Variants in NPL observed in about 807,000 individuals in gnomAD.
The protein encoded by NPL is N-acetylneuraminate lyase.
Under a neutral mutation model 41.1 loss-of-function variants are expected in NPL, and 32 were observed. That is an observed-to-expected ratio of 0.78 (90% confidence interval 0.59 to 1.05). The LOEUF is 1.05. NPL is among the 50% of genes least tolerant of loss of function. The probability of loss-of-function intolerance (pLI) is 0.00; values close to 1 mark genes in which losing one functional copy is unlikely to be tolerated. For missense variants in NPL, 321 were observed against 378.4 expected (o/e 0.85, Z 1.26); for synonymous variants, 128 against 134.9 (o/e 0.95, Z 0.35).
intron 3 of NPL, among the ~76,000 whole-genome samples, chr1:182,798,352 C>T (rs374901416): frequency 1.3e-5 from 2 of 151,832 alleles, no homozygotes; most frequent in East Asian, 1.9e-4. Flanking sequence ...CTCAGCCTCC[C>T]GGGTAGCTGG....
intron 7 of NPL, among the ~76,000 whole-genome samples, chr1:182,815,397 C>CA (rs2102555822): frequency 6.6e-6 from 1 of 151,602 alleles, no homozygotes; most frequent in East Asian, 1.9e-4. Context: ...TTTTGATTAG[C>CA]AAAAAAAGAA....
intron 10 of NPL, among the ~76,000 whole-genome samples, chr1:182,819,881 A>G (rs2102562237): frequency 6.6e-6 from 1 of 152,380 alleles, no homozygotes; most frequent in South Asian, 2.1e-4. Context: ...ATGTTATTAT[A>G]AAATACTGGG....
In NPL at chr1:182,828,709, G is replaced by T; in HGVS notation, c.779-15G>T. The T allele has an allele frequency of 6.2e-7, 1 of 1,614,098 alleles. No homozygotes were observed. Among genetic ancestry groups the T allele is most frequent in the Non-Finnish European group, 8.5e-7 (1 of 1,179,994 alleles). On this transcript the variant is annotated splice_polypyrimidine_tract_variant and intron_variant, in intron 12 of 12. Transcript: ENST00000367553. This position sits in a 1 kb window ranked among gnomAD's most constrained non-coding sequence, Gnocchi z 4.0. Reference sequence around the variant, plus strand: ...CGGTACCAGTCATGTTTCCTCATTTGTTTTTCCCGTCTAGGTTTTGGAGTG... The same window carrying T: ...CGGTACCAGTCATGTTTCCTCATTTTTTTTTCCCGTCTAGGTTTTGGAGTG...
chr1:182,818,553 A>C lies in NPL; in HGVS notation c.470A>C (p.Glu157Ala). ...TTATTTTGAGCAGTTCGTGCTGAGG[A>C]GTTGTTGGATGGGATTCTGGATAAG... ...ALTGVKIRAE[E>A]LLDGILDKIP... The change falls in exon 9 of 13, where the codon GAG becomes GCG. Residue 157 changes from glutamate to alanine, a missense_variant. Glu to Ala is a moderately radical substitution (Grantham distance 107). Coordinates refer to ENST00000367553, the MANE Select transcript of NPL (RefSeq NM_030769.3). The C allele has an allele frequency of 6.2e-7, 1 of 1,614,186 alleles. No individual in the cohort carries two copies. The highest frequency in any genetic ancestry group is 2.2e-5 in the East Asian group (1 of 44,884).
chr1:182,800,823 G>A (rs888472280), intron 3 of NPL, among the ~76,000 whole-genome samples: 16 of 143,628 alleles, frequency 1.1e-4, no homozygotes, highest in African/African-American at 1.6e-4. Flanking sequence ...TCCACCTCCC[G>A]GGTTCAAGCA....
chr1:182,805,256 C>T (rs1029177728), intron 4 of NPL, among the ~76,000 whole-genome samples: 2 of 145,532 alleles, frequency 1.4e-5, no homozygotes, highest in African/African-American at 5.7e-5. Context: ...ATGGCAAAAC[C>T]CCATCTCTAC....
chr1:182,801,689 A>C (rs1161906638), intron 3 of NPL, among the ~76,000 whole-genome samples: 1 of 152,098 alleles, frequency 6.6e-6, no homozygotes, highest in African/African-American at 2.4e-5. Flanking sequence ...ATCTCTACCC[A>C]AAATTTTCAA....
rs988855168 is a variant in NPL at position 182,828,197 on chromosome 1, T to A, written c.779-527T>A. 1.3e-5 allele frequency among the ~76,000 whole-genome samples: 2 copies of A among 152,182 alleles called. No individual in the cohort carries two copies. Among genetic ancestry groups the A allele is most frequent in the Non-Finnish European group, 2.9e-5 (2 of 68,022 alleles). On this transcript the variant is annotated intron_variant, in intron 12 of 12. Transcript: ENST00000367553. The surrounding 1 kb of genome is among the most constrained non-coding windows in gnomAD (Gnocchi z 4.0). Reference sequence around the variant, plus strand: ...ATTCCAGCTTCTCACCATGCATAGATCTAAGGCTTCATTTTCCATTCCCAT... The same window carrying A: ...ATTCCAGCTTCTCACCATGCATAGAACTAAGGCTTCATTTTCCATTCCCAT...
chr1:182,818,956 T>C (rs1667413607), intron 10 of NPL, 97 bp downstream of exon 10: 1 of 1,044,634 alleles, frequency 9.6e-7, no homozygotes, highest in South Asian at 1.3e-5. Context: ...TCCTTTCTAA[T>C]AGAAGTTTCC....
In NPL at chr1:182,794,346, T is replaced by G; in HGVS notation, c.-16-10T>G. On this transcript the variant is annotated splice_polypyrimidine_tract_variant and intron_variant, in intron 2 of 12. Coordinates refer to ENST00000367553, the MANE Select transcript of NPL (RefSeq NM_030769.3). ...GAAGAAAGAGAGAAATTACATTGTATGTTTTCCAGACCTACCAGCAGCTCA... is the reference window on the plus strand; with the variant it reads ...GAAGAAAGAGAGAAATTACATTGTAGGTTTTCCAGACCTACCAGCAGCTCA... 1 of 1,610,396 alleles carries G rather than the reference T, an allele frequency of 6.2e-7. No homozygotes were observed. Among genetic ancestry groups the G allele is most frequent in the Non-Finnish European group, 8.5e-7 (1 of 1,176,544 alleles).
At chr1:182,794,911 A>G (rs771506238) in intron 3 of NPL, among the ~76,000 whole-genome samples, 2 of 152,194 alleles carry the variant, frequency 1.3e-5, no homozygotes, top group Non-Finnish European at 2.9e-5. Context: ...TACCCTGAGG[A>G]AAGTGGGAGG....
Position 182,829,730 on chromosome 1 carries a change from T to C in NPL, c.*822T>C, listed in dbSNP as rs1667719993. 6.8e-6 allele frequency: 8 copies of C among 1,182,830 alleles called. No individual in the cohort carries two copies. The highest frequency in any genetic ancestry group is 1.9e-4 in the Middle Eastern group (1 of 5,298). The allele number at this position is 1,182,830 out of a possible 1,614,324, so 73.3% of individuals were successfully genotyped here. On this transcript the variant is annotated 3_prime_UTR_variant, in exon 13 of 13. Coordinates refer to ENST00000367553, the MANE Select transcript of NPL (RefSeq NM_030769.3). ...TGAATTATTGAAATCGAAGGCTGAC[T>C]TCCTTTCTGCAGTGAGCCCAGGGGC...
At chr1:182,806,448 C>A in intron 5 of NPL, 3 of 1,536,770 alleles carry the variant, frequency 2.0e-6, no homozygotes, top group Non-Finnish European at 2.6e-6. Context: ...GACACACCTG[C>A]CACCCAGAGG....
Position 182,794,235 on chromosome 1 carries a change from CTGTG to C in NPL, c.-16-117_-16-114del, listed in dbSNP as rs144592221. 169 of 871,408 alleles carry C rather than the reference CTGTG, an allele frequency of 1.9e-4. No individual in the cohort carries two copies. In the East Asian group the frequency reaches 3.8e-3, roughly 20 times the overall value. 54.0% of individuals were successfully genotyped at this position (871,408 alleles called of 1,614,324 possible). ...AAAATTTTACCATCTTGTACTTGCT[CTGTG>C]TGTTTGTGTACTTGTAAGCACATTT... On this transcript the variant is annotated intron_variant, in intron 2 of 12. Transcript: ENST00000367553.
Position 182,829,609 on chromosome 1 carries a change from CAA to C in NPL, c.*704_*705del. 1 of 1,550,132 alleles carries C rather than the reference CAA, an allele frequency of 6.5e-7. No homozygotes were observed. Among genetic ancestry groups the C allele is most frequent in the Non-Finnish European group, 8.7e-7 (1 of 1,146,376 alleles). On this transcript the variant is annotated 3_prime_UTR_variant, in exon 13 of 13. Coordinates refer to ENST00000367553, the MANE Select transcript of NPL (RefSeq NM_030769.3). Reference sequence around the variant, plus strand: ...TCCACTTTTTTCTATACAGAAAACTCAAAACTCAAAGTTTCAAAGAACCAAAG... The same window carrying C: ...TCCACTTTTTTCTATACAGAAAACTCAACTCAAAGTTTCAAAGAACCAAAG...
rs140297104 is a variant in NPL at position 182,794,880 on chromosome 1, A to G, written c.68+441A>G. On this transcript the variant is annotated intron_variant, in intron 3 of 12. Transcript: ENST00000367553. The stretch of plus-strand genomic sequence containing the variant: ...AGCATGATTCCACTTCAGGCTGTTC[A>G]TAGACTTGATAAAAATGTCCTACCC... Among the ~76,000 whole-genome samples the G allele has an allele frequency of 3.2e-4, 49 of 152,318 alleles. No individual in the cohort carries two copies. In the East Asian group the frequency reaches 7.5e-3, roughly 23 times the overall value.
chr1:182,792,289 A>G lies in NPL; in HGVS notation c.-17+3A>G, dbSNP rs1666537098. 1 of 152,206 alleles carries G rather than the reference A, an allele frequency of 6.6e-6. No homozygotes were observed. Among genetic ancestry groups the G allele is most frequent in the African/African-American group, 2.4e-5 (1 of 41,436 alleles). The allele number at this position is 152,206 out of a possible 1,614,324, so 9.4% of individuals were successfully genotyped here. A position where few individuals can be genotyped will look rare whatever the true frequency, so the allele number is the denominator to read the frequency against. On this transcript the variant is annotated splice_donor_region_variant and intron_variant, in intron 2 of 12. Coordinates refer to ENST00000367553, the MANE Select transcript of NPL (RefSeq NM_030769.3). ...ATGGGCTCAAGGTCACCTACCTGGT[A>G]AGTGGTGGAGCCAGGATGCAGATCC...
chr1:182,819,115 T>C (rs1391128705), intron 10 of NPL, among the ~76,000 whole-genome samples: 1 of 148,130 alleles, frequency 6.8e-6, no homozygotes, highest in Admixed American at 6.7e-5. Context: ...AGGTCAGGAG[T>C]TCAAAACCAG....
chr1:182,829,471 C>A lies in NPL; in HGVS notation c.*563C>A. ...AATTCATTTCGATGTCACCACTTTT[C>A]GCTCTTTAAAAACACTGGGTCAGGT... On this transcript the variant is annotated 3_prime_UTR_variant, in exon 13 of 13. Coordinates refer to ENST00000367553, the MANE Select transcript of NPL (RefSeq NM_030769.3). 1 of 1,455,178 alleles carries A rather than the reference C, an allele frequency of 6.9e-7. No individual in the cohort carries two copies. The highest frequency in any genetic ancestry group is 9.1e-7 in the Non-Finnish European group (1 of 1,104,402). 90.1% of individuals were successfully genotyped at this position (1,455,178 alleles called of 1,614,324 possible). A position where few individuals can be genotyped will look rare whatever the true frequency, so the allele number is the denominator to read the frequency against.
Sources: allele counts gnomAD v4.1 joint callset (sites outside exome capture counted in the v4.1 genomes callset), GRCh38; gene constraint gnomAD v4.1.1; non-coding constraint Gnocchi (gnomAD v3.1); transcripts MANE v1.5; gene names NCBI Gene and HGNC (gene_info 2026-07-23, HGNC 2026-07-21).